Variants in CLASP1 observed in about 807,000 individuals in gnomAD.
The protein encoded by CLASP1 is cytoplasmic linker associated protein 1, also known as CLIP-associating protein 1.
In CLASP1, 38 loss-of-function variants were observed where a neutral mutation model predicts 192.3. That is an observed-to-expected ratio of 0.20 (90% CI 0.15 to 0.26). The LOEUF (loss-of-function observed/expected upper bound fraction) is 0.26, where lower values mean the gene tolerates loss of function less well. Among genes scored for constraint, CLASP1 ranks in the 10% least tolerant of loss-of-function variants. The probability of loss-of-function intolerance (pLI) is 1.00; values close to 1 mark genes in which losing one functional copy is unlikely to be tolerated. For synonymous variants in CLASP1, 691 were observed against 712.8 expected (o/e 0.97, Z 0.49); for missense variants, 1,433 against 1,932.5 (o/e 0.74, Z 4.85).
chr2:121,476,658 A>G (rs887770415), intron 8 of CLASP1, among the ~76,000 whole-genome samples: 4 of 152,134 alleles, frequency 2.6e-5, no homozygotes, highest in African/African-American at 9.7e-5. Flanking sequence ...TAGAAGCCCA[A>G]TGGGGAGAAA....
At chr2:121,351,078 C>T (rs544039781) in intron 37 of CLASP1, among the ~76,000 whole-genome samples, 3 of 152,272 alleles carry the variant, frequency 2.0e-5, no homozygotes, top group East Asian at 1.9e-4. Context: ...AGGAGCAGGC[C>T]GCACCTCATT....
chr2:121,610,155 G>C (rs1367061847), intron 1 of CLASP1, among the ~76,000 whole-genome samples: 1 of 152,214 alleles, frequency 6.6e-6, no homozygotes, highest in Non-Finnish European at 1.5e-5. Flanking sequence ...GAGGGAAAAA[G>C]GATGACGTGG....
At chr2:121,470,617 T>C (rs773364285) in intron 8 of CLASP1, 1 of 446,966 alleles carries the variant, frequency 2.2e-6, no homozygotes, top group Non-Finnish European at 4.4e-6. Flanking sequence ...TCCTCACCAT[T>C]AGAAATGCAA....
Position 121,578,099 on chromosome 2 carries a change from A to C in CLASP1, c.195+27602T>G, listed in dbSNP as rs1036220848. ...GGGCACCTGCCACCACGTCCGGCTAATTTTTAAATTTTTTATAGAGATAGG... is the reference window on the plus strand; with the variant it reads ...GGGCACCTGCCACCACGTCCGGCTACTTTTTAAATTTTTTATAGAGATAGG... On this transcript the variant is annotated intron_variant, in intron 2 of 39. Coordinates refer to ENST00000263710, the Ensembl canonical transcript of CLASP1. 6.6e-5 allele frequency among the ~76,000 whole-genome samples: 10 copies of C among 152,102 alleles called. No homozygotes were observed. In the South Asian group the frequency reaches 2.1e-3, roughly 32 times the overall value.
At chr2:121,442,400 C>G (rs2083492482) in intron 19 of CLASP1, among the ~76,000 whole-genome samples, 1 of 152,058 alleles carries the variant, frequency 6.6e-6, no homozygotes, top group Admixed American at 6.5e-5. Flanking sequence ...CAATGAATAA[C>G]TCCTAAGGAA....
chr2:121,531,422 C>G (rs2104814873), intron 2 of CLASP1, among the ~76,000 whole-genome samples: 1 of 151,428 alleles, frequency 6.6e-6, no homozygotes, highest in East Asian at 1.9e-4. Context: ...AGTGAAACTC[C>G]GTCTCTCCTA....
intron 19 of CLASP1, among the ~76,000 whole-genome samples, chr2:121,438,326 G>A (rs1207432524): frequency 1.3e-5 from 2 of 152,280 alleles, no homozygotes; most frequent in East Asian, 3.9e-4. Flanking sequence ...CAAATTATGA[G>A]AAAAGATTAG....
intron 2 of CLASP1, among the ~76,000 whole-genome samples, chr2:121,556,860 A>C (rs1344814128): frequency 1.3e-5 from 2 of 152,180 alleles, no homozygotes; most frequent in Non-Finnish European, 2.9e-5. Context: ...AGTTATACCA[A>C]AATACAAATA....
chr2:121,582,426 G>C (rs1349192592), intron 2 of CLASP1, among the ~76,000 whole-genome samples: 2 of 148,784 alleles, frequency 1.3e-5, no homozygotes, highest in Non-Finnish European at 3.0e-5. Flanking sequence ...GGAAAAGAGA[G>C]AAAAAGAAGG....
At chr2:121,347,009 C>G (rs2063535426) in intron 39 of CLASP1, 29 bp downstream of exon 40, 12 of 1,357,542 alleles carry the variant, frequency 8.8e-6, no homozygotes, top group South Asian at 1.3e-5. Context: ...CCCAGGTGTG[C>G]GTATCAGCCC....
chr2:121,624,685 G>A (rs111627404), intron 1 of CLASP1, among the ~76,000 whole-genome samples: 5,833 of 152,296 alleles, frequency 0.038, 161 homozygotes, highest in East Asian at 0.14. Context: ...CCAAACTGCT[G>A]GGATTACAGG....
chr2:121,379,964 C>A (rs1433745409), intron 33 of CLASP1, among the ~76,000 whole-genome samples: 3 of 152,142 alleles, frequency 2.0e-5, no homozygotes, highest in Admixed American at 6.5e-5. Context: ...TTTGCAGAAC[C>A]AAGAACAATT....
At chr2:121,516,433 G>A (rs947567079) in intron 6 of CLASP1, among the ~76,000 whole-genome samples, 4 of 152,186 alleles carry the variant, frequency 2.6e-5, no homozygotes, top group Non-Finnish European at 4.4e-5. Flanking sequence ...AGCGAATTCC[G>A]AATAAGACAC....
intron 19 of CLASP1, among the ~76,000 whole-genome samples, chr2:121,440,868 G>T (rs75107254): frequency 0.013 from 2,036 of 150,846 alleles, 42 homozygotes; most frequent in African/African-American, 0.046. Flanking sequence ...TAATTTTGGA[G>T]GGAAGGATGA....
At chr2:121,348,486 C>T in intron 38 of CLASP1, 26 bp downstream of exon 39, 1 of 1,580,208 alleles carries the variant, frequency 6.3e-7, no homozygotes, top group Non-Finnish European at 8.6e-7. Flanking sequence ...AGGCCGGGGG[C>T]AGGCCCCACC....
intron 20 of CLASP1, among the ~76,000 whole-genome samples, chr2:121,429,834 T>G (rs979754427): frequency 6.6e-6 from 1 of 152,232 alleles, no homozygotes; most frequent in Non-Finnish European, 1.5e-5. Flanking sequence ...AACTACATTT[T>G]AATGTTTAAT....
intron 2 of CLASP1, among the ~76,000 whole-genome samples, chr2:121,538,002 TTAA>T (rs1414710448): frequency 1.3e-5 from 2 of 152,174 alleles, no homozygotes; most frequent in Non-Finnish European, 2.9e-5. Flanking sequence ...AGCATCACAC[TTAA>T]TGATGAAATG....
At chr2:121,621,890 C>T (rs2067425347) in intron 1 of CLASP1, among the ~76,000 whole-genome samples, 1 of 152,168 alleles carries the variant, frequency 6.6e-6, no homozygotes, top group African/African-American at 2.4e-5. Context: ...CTCTGTCACC[C>T]AGGCTGGAGA....
intron 34 of CLASP1, among the ~76,000 whole-genome samples, chr2:121,376,664 A>G (rs182040221): frequency 6.6e-6 from 1 of 152,324 alleles, no homozygotes; most frequent in East Asian, 1.9e-4. Context: ...GTGGCCTGTT[A>G]GGAACTAGGC....
Sources: allele counts gnomAD v4.1 joint callset (sites outside exome capture counted in the v4.1 genomes callset), GRCh38; gene constraint gnomAD v4.1.1; transcripts MANE v1.5; gene names NCBI Gene and HGNC (gene_info 2026-07-23, HGNC 2026-07-21).